SLCO4C1: variants seen among roughly 807,000 people sequenced by gnomAD.
SLCO4C1 encodes the protein organic anion transporter M1.
Under a neutral mutation model 72.1 loss-of-function variants are expected in SLCO4C1, and 58 were observed. That is an observed-to-expected ratio of 0.80 (90% CI 0.65 to 1.00). SLCO4C1 has a LOEUF of 1.00. SLCO4C1 is among the 50% of genes least tolerant of loss of function. The pLI is 0.00. For synonymous variants in SLCO4C1, 297 were observed against 312.5 expected, an observed-to-expected ratio of 0.95 and a Z score of 0.52; for missense variants, 898 against 857.9, an observed-to-expected ratio of 1.05 and a Z score of -0.58.
intron 10 of SLCO4C1, among the ~76,000 whole-genome samples, chr5:102,241,552 C>T (rs186948350): frequency 6.6e-6 from 1 of 151,614 alleles, no homozygotes; most frequent in Non-Finnish European, 1.5e-5. Flanking sequence ...AGGTAAAATA[C>T]TTGTACACTG....
At chr5:102,275,692 C>A (rs1749234779) in intron 2 of SLCO4C1, among the ~76,000 whole-genome samples, 1 of 152,136 alleles carries the variant, frequency 6.6e-6, no homozygotes, top group Non-Finnish European at 1.5e-5. Flanking sequence ...CACAGGCAAA[C>A]AAAGGCTTTG....
At chr5:102,295,465 T>A (rs1749631649) in intron 1 of SLCO4C1, among the ~76,000 whole-genome samples, 1 of 152,084 alleles carries the variant, frequency 6.6e-6, no homozygotes, top group South Asian at 2.1e-4. Context: ...GGCATCCCAC[T>A]CCCACCTGCA....
chr5:102,265,310 C>CTT (rs1217652096), intron 3 of SLCO4C1, among the ~76,000 whole-genome samples: 1 of 152,116 alleles, frequency 6.6e-6, no homozygotes, highest in Non-Finnish European at 1.5e-5. Context: ...TGTGCAGCAA[C>CTT]TTTTTAGCTT....
intron 3 of SLCO4C1, among the ~76,000 whole-genome samples, chr5:102,264,599 C>G (rs1749000752): frequency 6.6e-6 from 1 of 151,208 alleles, no homozygotes; most frequent in South Asian, 2.1e-4. Context: ...CCCATCACCT[C>G]ATACATTTAT....
In SLCO4C1 at chr5:102,296,283, C is replaced by T; in HGVS notation, c.-21G>A. 6.6e-7 allele frequency: 1 copy of T among 1,506,678 alleles called. No individual in the cohort carries two copies. The highest frequency in any genetic ancestry group is 2.3e-5 in the Admixed American group (1 of 44,256). The allele number at this position is 1,506,678 out of a possible 1,614,324, so 93.3% of individuals were successfully genotyped here. A position where few individuals can be genotyped will look rare whatever the true frequency, so the allele number is the denominator to read the frequency against. On this transcript the variant is annotated 5_prime_UTR_variant, in exon 1 of 13. Transcript: ENST00000310954. ...TTCATGTCTGGATGGGTTCTCCCGA[C>T]TCCGGTGCTTCAGAGCAGCAGAGCC...
At chr5:102,274,262 G>A (rs2112380829) in intron 2 of SLCO4C1, among the ~76,000 whole-genome samples, 1 of 152,210 alleles carries the variant, frequency 6.6e-6, no homozygotes, top group East Asian at 1.9e-4. Flanking sequence ...TACACCACAA[G>A]TGGAAGCTCC....
In SLCO4C1 at chr5:102,263,697, C is replaced by G. The variant is rs537089328; in HGVS notation, c.886G>C (p.Ala296Pro). ...GQLLTIYIDV[A>P]MGESTDVTED... ...ATACTGCCTTGCCTTTCTCCCATAG[C>G]AACATCAATGTATATGGTTAGCAGT... Residue 296 changes from alanine to proline, a missense_variant, in exon 4 of 13, where the codon GCT (alanine) becomes CCT (proline). Physicochemically the swap from Ala to Pro is conservative, Grantham distance 27. Coordinates refer to ENST00000310954, the MANE Select transcript of SLCO4C1 (RefSeq NM_180991.5). 1.9e-6 allele frequency: 3 copies of G among 1,611,708 alleles called. No individual in the cohort carries two copies. In the Admixed American group the frequency reaches 5.0e-5, roughly 27 times the overall value.
At chr5:102,280,789 G>C (rs1282381549) in intron 2 of SLCO4C1, among the ~76,000 whole-genome samples, 3 of 151,940 alleles carry the variant, frequency 2.0e-5, no homozygotes, top group Non-Finnish European at 4.4e-5. Flanking sequence ...GAACAGCATG[G>C]GGGAAACCAC....
At chr5:102,285,212 TACACACACAC>T (rs3070619) in intron 2 of SLCO4C1, among the ~76,000 whole-genome samples, 3 of 147,850 alleles carry the variant, frequency 2.0e-5, no homozygotes, top group Non-Finnish European at 3.0e-5. Flanking sequence ...TATATATACA[TACACACACAC>T]ACACACACAC....
intron 8 of SLCO4C1, among the ~76,000 whole-genome samples, chr5:102,256,118 C>T (rs1008676766): frequency 1.3e-5 from 2 of 152,176 alleles, no homozygotes; most frequent in East Asian, 3.9e-4. Context: ...AGACAAGAAT[C>T]ATTTGAATTC....
At chr5:102,278,915 A>G (rs1194777412) in intron 2 of SLCO4C1, among the ~76,000 whole-genome samples, 3 of 151,902 alleles carry the variant, frequency 2.0e-5, no homozygotes, top group Admixed American at 6.6e-5. Flanking sequence ...CAATAATCTA[A>G]GCTTCCATGT....
At chr5:102,295,327 G>A (rs117996831) in intron 1 of SLCO4C1, among the ~76,000 whole-genome samples, 1 of 152,152 alleles carries the variant, frequency 6.6e-6, no homozygotes, top group Non-Finnish European at 1.5e-5. Context: ...ACAACGTCGG[G>A]AGCCTTTGCT....
At chr5:102,239,109 C>T in intron 12 of SLCO4C1, 142 bp downstream of exon 12, 1 of 617,960 alleles carries the variant, frequency 1.6e-6, no homozygotes, top group Non-Finnish European at 2.5e-6. Flanking sequence ...TAAATGTTCT[C>T]TGCTTCAGGA....
intron 10 of SLCO4C1, among the ~76,000 whole-genome samples, chr5:102,241,675 G>A (rs929006996): frequency 1.3e-5 from 2 of 152,068 alleles, no homozygotes; most frequent in Non-Finnish European, 2.9e-5. Flanking sequence ...CCTACATCAA[G>A]TGATCTACAG....
Position 102,295,965 on chromosome 5 carries a change from G to A in SLCO4C1, c.298C>T (p.Arg100Cys). 1.2e-6 allele frequency: 2 copies of A among 1,614,258 alleles called. No individual in the cohort carries two copies. The highest frequency in any genetic ancestry group is 2.2e-5 in the South Asian group (2 of 91,088). The change falls in exon 1 of 13, where the codon CGC becomes TGC. Residue 100 changes from arginine to cysteine, a missense_variant. Arg to Cys is a radical substitution (Grantham distance 180). Transcript: ENST00000310954. ...AGAAAGCCTCCAGGTGTGTTGCAGCGCTGGAGACATTGAGGATGGAAGTTC... is the reference window on the plus strand; with the variant it reads ...AGAAAGCCTCCAGGTGTGTTGCAGCACTGGAGACATTGAGGATGGAAGTTC... ...WRNFHPQCLQ[R>C]CNTPGGFLLH...
At chr5:102,282,071 T>TTAGTACAGC (rs1749367509) in intron 2 of SLCO4C1, among the ~76,000 whole-genome samples, 4 of 151,984 alleles carry the variant, frequency 2.6e-5, no homozygotes. Context: ...TAATCAGCAG[T>TTAGTACAGC]AGAAAGAACA....
rs1748585823 is a variant in SLCO4C1, at chr5:102,243,580, C to T, written c.1812-2798G>A. On this transcript the variant is annotated intron_variant, in intron 10 of 12. Coordinates refer to ENST00000310954, the MANE Select transcript of SLCO4C1 (RefSeq NM_180991.5). ...CAGATACAACTAAAATTAGAACACC[C>T]AAGTCCTTTCAAATATGTGGAAAGC... 2.0e-5 allele frequency among the ~76,000 whole-genome samples: 3 copies of T among 152,170 alleles called. No individual in the cohort carries two copies. In the South Asian group the frequency reaches 6.2e-4, roughly 31 times the overall value.
intron 2 of SLCO4C1, among the ~76,000 whole-genome samples, chr5:102,288,280 T>C (rs1749492522): frequency 6.6e-6 from 1 of 152,196 alleles, no homozygotes; most frequent in Admixed American, 6.5e-5. Context: ...ATTCTTAATT[T>C]CATTCTAATT....
At chr5:102,247,175 C>G in intron 10 of SLCO4C1, 77 bp downstream of exon 10, 2 of 1,175,480 alleles carry the variant, frequency 1.7e-6, no homozygotes, top group Non-Finnish European at 1.2e-6. Flanking sequence ...ATATGAACCC[C>G]AAATGAACCC....
Sources: allele counts gnomAD v4.1 joint callset (sites outside exome capture counted in the v4.1 genomes callset), GRCh38; gene constraint gnomAD v4.1.1; transcripts MANE v1.5; gene names NCBI Gene and HGNC (gene_info 2026-07-23, HGNC 2026-07-21).